The following SLC25A20 variants were observed in gnomAD, a reference collection of about 807,000 sequenced individuals.
The protein encoded by SLC25A20 is solute carrier family 25 member 20.
Under a neutral mutation model 39.7 loss-of-function variants are expected in SLC25A20, and 29 were observed. The observed-to-expected ratio is 0.73, with a 90% confidence interval of 0.54 to 1.00. The LOEUF is 1.00. Among genes scored for constraint, SLC25A20 ranks in the 50% least tolerant of loss-of-function variants. SLC25A20 has a pLI of 0.00. For synonymous variants in SLC25A20, 103 were observed against 142.2 expected (o/e 0.72, Z 1.96); for missense variants, 333 against 379.9 (o/e 0.88, Z 1.03).
At chr3:48,871,176 G>A (rs1171214638) in intron 4 of SLC25A20, among the ~76,000 whole-genome samples, 1 of 151,854 alleles carries the variant, frequency 6.6e-6, no homozygotes, top group African/African-American at 2.4e-5. Flanking sequence ...TTCCTGGATT[G>A]GAGGATTCAA....
rs1419645909 is a variant in SLC25A20 at position 48,863,147 on chromosome 3, G to A, written c.418-488C>T. Among the ~76,000 whole-genome samples, 9 of 152,018 alleles carry A rather than the reference G, an allele frequency of 5.9e-5. No homozygotes were observed. The East Asian group carries it at 1.5e-3, about 26-fold the overall frequency. On this transcript the variant is annotated intron_variant, in intron 4 of 8. Transcript: ENST00000319017. ...AGAGGTTGCAGTTAGAAAACATATC[G>A]TACCACACTGCACTCCAGCCTGGGC... is the stretch of plus-strand genomic sequence containing the variant.
intron 5 of SLC25A20, among the ~76,000 whole-genome samples, chr3:48,861,353 A>G (rs910374857): frequency 1.3e-5 from 2 of 152,162 alleles, no homozygotes; most frequent in African/African-American, 2.4e-5. Flanking sequence ...TATTTGCAAC[A>G]ATCACTTTGC....
intron 2 of SLC25A20, among the ~76,000 whole-genome samples, chr3:48,884,665 T>C (rs911809405): frequency 6.6e-6 from 1 of 152,142 alleles, no homozygotes; most frequent in African/African-American, 2.4e-5. Flanking sequence ...TCTGCCAATA[T>C]GTAGCATACC....
At position 48,857,515 on chromosome 3, in the gene SLC25A20, G is replaced by C; in HGVS notation, c.*195C>G. 1.6e-6 allele frequency: 1 copy of C among 607,370 alleles called. No homozygotes were observed. The highest frequency in any genetic ancestry group is 1.9e-5 in the South Asian group (1 of 51,494). 37.6% of individuals were successfully genotyped at this position (607,370 alleles called of 1,614,324 possible). A position where few individuals can be genotyped will look rare whatever the true frequency, so the allele number is the denominator to read the frequency against. ...CTTAAATTGATAAGAATGAATTCAA[G>C]TTTCAAAATGACACACTAAGTTATA... On this transcript the variant is annotated 3_prime_UTR_variant, in exon 9 of 9. Coordinates refer to ENST00000319017, the MANE Select transcript of SLC25A20 (RefSeq NM_000387.6).
At chr3:48,896,358 T>C (rs2083909758) in intron 1 of SLC25A20, among the ~76,000 whole-genome samples, 1 of 151,878 alleles carries the variant, frequency 6.6e-6, no homozygotes, top group South Asian at 2.1e-4. Flanking sequence ...TTTATAGACA[T>C]GAGGTCTTGC....
chr3:48,891,100 T>C (rs1022518412), intron 2 of SLC25A20, among the ~76,000 whole-genome samples: 1 of 152,078 alleles, frequency 6.6e-6, no homozygotes, highest in Non-Finnish European at 1.5e-5. Context: ...ATCTCTCATC[T>C]CCACACATGG....
intron 2 of SLC25A20, among the ~76,000 whole-genome samples, chr3:48,884,890 A>G (rs946220522): frequency 6.7e-6 from 1 of 149,980 alleles, no homozygotes; most frequent in Non-Finnish European, 1.5e-5. Flanking sequence ...AGAGATTATT[A>G]AGTAAAAAAA....
chr3:48,859,206 A>G lies in SLC25A20; in HGVS notation c.609-5T>C. On this transcript the variant is annotated splice_region_variant and splice_polypyrimidine_tract_variant and intron_variant, in intron 6 of 8. Transcript: ENST00000319017. Reference sequence around the variant, plus strand: ...GGGGCACTGAGCTCACTGACCCTGTATAACACCAACCACAGCCCCAGTTAG... The same window carrying G: ...GGGGCACTGAGCTCACTGACCCTGTGTAACACCAACCACAGCCCCAGTTAG... The G allele has an allele frequency of 6.2e-7, 1 of 1,612,738 alleles. No homozygotes were observed. Among genetic ancestry groups the G allele is most frequent in the Non-Finnish European group, 8.5e-7 (1 of 1,178,876 alleles).
intron 2 of SLC25A20, 74 bp downstream of exon 2, chr3:48,891,906 C>T (rs1308611503): frequency 1.7e-6 from 2 of 1,212,122 alleles, no homozygotes; most frequent in Non-Finnish European, 2.5e-6. Context: ...AGTTAACCTA[C>T]TCTCCTTGGG....
chr3:48,883,173 C>T (rs1428531307), intron 3 of SLC25A20, among the ~76,000 whole-genome samples: 3 of 151,178 alleles, frequency 2.0e-5, no homozygotes, highest in African/African-American at 7.3e-5. Context: ...CCAGCCTGGG[C>T]GACAGAGCAA....
At chr3:48,898,556 A>C in intron 1 of SLC25A20, 134 bp downstream of exon 1, 5 of 877,730 alleles carry the variant, frequency 5.7e-6, no homozygotes, top group African/African-American at 1.7e-5. Context: ...CCCCTGAAAG[A>C]GAGATTCCCT....
chr3:48,888,207 GAAAAAAAAAAAAAA>G (rs751937375), intron 2 of SLC25A20, among the ~76,000 whole-genome samples: 7 of 44,242 alleles, frequency 1.6e-4, no homozygotes, highest in African/African-American at 5.3e-4. Flanking sequence ...ACTCCATCTC[GAAAAAAAAAAAAAA>G]AAAAAAAAGA....
intron 4 of SLC25A20, among the ~76,000 whole-genome samples, chr3:48,868,897 G>A (rs1233065435): frequency 3.3e-5 from 5 of 152,160 alleles, no homozygotes; most frequent in Non-Finnish European, 1.5e-5. Context: ...GTGCAGCCCT[G>A]CACCCTTCTG....
At chr3:48,887,796 G>A (rs2083840540) in intron 2 of SLC25A20, among the ~76,000 whole-genome samples, 1 of 152,156 alleles carries the variant, frequency 6.6e-6, no homozygotes, top group Non-Finnish European at 1.5e-5. Context: ...CAGCTACTCG[G>A]GAGGCTGAGG....
chr3:48,860,707 G>A (rs936999225), intron 5 of SLC25A20, among the ~76,000 whole-genome samples: 3 of 151,240 alleles, frequency 2.0e-5, no homozygotes, highest in Middle Eastern at 3.2e-3. Context: ...GGAATCACTC[G>A]AACCCAGAAG....
At chr3:48,881,581 T>C (rs2083795938) in intron 3 of SLC25A20, among the ~76,000 whole-genome samples, 1 of 152,106 alleles carries the variant, frequency 6.6e-6, no homozygotes, top group Non-Finnish European at 1.5e-5. Context: ...CCAAACACCA[T>C]TCCAGGGAGG....
rs766551925 is a variant in SLC25A20 at position 48,898,753 on chromosome 3, C to G, written c.42G>C (p.Leu14=). 6.2e-7 allele frequency: 1 copy of G among 1,606,590 alleles called. No homozygotes were observed. Among genetic ancestry groups the G allele is most frequent in the South Asian group, 1.1e-5 (1 of 89,760 alleles). Residue 14 remains leucine, a synonymous_variant, in exon 1 of 9, where the codon CTG becomes CTC. Coordinates refer to ENST00000319017, the MANE Select transcript of SLC25A20 (RefSeq NM_000387.6). ...ACACGCCGCCAAAGCCGCCGGCCAG[C>G]AGGTTCTTGAGCGGGCTGATGGGTT... ...QPKPISPLKN[L]LAGGFGGVCL...
intron 3 of SLC25A20, among the ~76,000 whole-genome samples, chr3:48,883,250 A>G (rs1289231353): frequency 6.6e-6 from 1 of 150,912 alleles, no homozygotes; most frequent in Non-Finnish European, 1.5e-5. Context: ...GTACTCCTTC[A>G]TGTATAACTC....
At chr3:48,888,064 G>T (rs1434487914) in intron 2 of SLC25A20, among the ~76,000 whole-genome samples, 1 of 151,346 alleles carries the variant, frequency 6.6e-6, no homozygotes, top group Non-Finnish European at 1.5e-5. Flanking sequence ...AAAATGAGCT[G>T]GGCATTGTGG....
Sources: allele counts gnomAD v4.1 joint callset (sites outside exome capture counted in the v4.1 genomes callset), GRCh38; gene constraint gnomAD v4.1.1; transcripts MANE v1.5; gene names NCBI Gene and HGNC (gene_info 2026-07-23, HGNC 2026-07-21).